The following TRANK1 variants were observed in gnomAD, a reference collection of about 807,000 sequenced individuals.
TRANK1 encodes TPR and ankyrin repeat-containing protein 1.
In TRANK1, 198 loss-of-function variants were observed where a neutral mutation model predicts 266.0. The observed-to-expected ratio is 0.74, with a 90% CI of 0.66 to 0.84. The LOEUF is 0.84. Ranked by LOEUF, TRANK1 falls within the 40% of genes least tolerant of loss-of-function variation. The probability of loss-of-function intolerance (pLI) is 0.00; values close to 1 mark genes in which losing one functional copy is unlikely to be tolerated. For missense variants in TRANK1, 3,326 were observed against 3,634.6 expected (o/e 0.92, Z 2.18); for synonymous variants, 1,396 against 1,384.1 (o/e 1.01, Z -0.19).
intron 9 of TRANK1, among the ~76,000 whole-genome samples, chr3:36,865,824 G>A (rs1246343066): frequency 2.0e-5 from 3 of 152,082 alleles, no homozygotes; most frequent in Non-Finnish European, 2.9e-5. Context: ...AGCTACTCAG[G>A]AGGCTGAGGC....
intron 15 of TRANK1, among the ~76,000 whole-genome samples, chr3:36,847,803 T>C (rs1164859468): frequency 1.3e-5 from 2 of 152,232 alleles, no homozygotes; most frequent in Admixed American, 6.5e-5. Context: ...GTGTGCAAGG[T>C]AGACTCTGAG....
At chr3:36,885,905 T>C (rs1381323992) in intron 8 of TRANK1, among the ~76,000 whole-genome samples, 1 of 152,144 alleles carries the variant, frequency 6.6e-6, no homozygotes, top group Non-Finnish European at 1.5e-5. Context: ...AGAAAATCTC[T>C]GAACCATTTT....
At chr3:36,877,744 CAAAA>C (rs929314985) in intron 8 of TRANK1, among the ~76,000 whole-genome samples, 1 of 152,000 alleles carries the variant, frequency 6.6e-6, no homozygotes, top group South Asian at 2.1e-4. Flanking sequence ...GCAAGACTGA[CAAAA>C]AAAGTTTTAG....
chr3:36,868,464 T>A (rs1282927655), intron 9 of TRANK1, among the ~76,000 whole-genome samples: 2 of 152,172 alleles, frequency 1.3e-5, no homozygotes, highest in African/African-American at 4.8e-5. Context: ...AAAATAGAAA[T>A]AAATTATTTC....
intron 9 of TRANK1, among the ~76,000 whole-genome samples, chr3:36,871,774 T>C (rs1185569700): frequency 1.3e-5 from 2 of 152,076 alleles, no homozygotes; most frequent in Non-Finnish European, 2.9e-5. Context: ...AATTAAAACA[T>C]AAATGGGGAA....
At chr3:36,835,176 G>A (rs1301250922) in intron 20 of TRANK1, among the ~76,000 whole-genome samples, 5 of 151,338 alleles carry the variant, frequency 3.3e-5, no homozygotes, top group East Asian at 1.9e-4. Flanking sequence ...AAAATTAGCC[G>A]GGCGTAGTGG....
At chr3:36,880,113 T>TGC (rs1559450040) in intron 8 of TRANK1, 1 of 145,364 alleles carries the variant, frequency 6.9e-6, no homozygotes, top group East Asian at 2.3e-4. Flanking sequence ...TAAACATATA[T>TGC]AAATATATAT....
At chr3:36,932,080 A>G (rs1559480415) in intron 1 of TRANK1, among the ~76,000 whole-genome samples, 1 of 152,238 alleles carries the variant, frequency 6.6e-6, no homozygotes, top group Non-Finnish European at 1.5e-5. Flanking sequence ...GTTTTATGTA[A>G]TCTTCACATT....
At chr3:36,842,569 G>T in intron 18 of TRANK1, 53 bp downstream of exon 18, 1 of 1,502,584 alleles carries the variant, frequency 6.7e-7, no homozygotes, top group Non-Finnish European at 9.2e-7. Flanking sequence ...ACCTGCCTGT[G>T]AGGTCTGACG....
At chr3:36,847,084 C>T (rs12497299) in intron 16 of TRANK1, 116 bp downstream of exon 16, 332,520 of 1,254,020 alleles carry the variant, frequency 0.27, 47,624 homozygotes, top group East Asian at 0.55. Context: ...CTCAATTCCC[C>T]GTTGCTGAGG....
intron 17 of TRANK1, among the ~76,000 whole-genome samples, chr3:36,843,070 C>T (rs1389570876): frequency 2.0e-5 from 3 of 152,188 alleles, no homozygotes; most frequent in East Asian, 3.9e-4. Context: ...CCTGCCAACA[C>T]CTTGATCTTG....
Position 36,831,451 on chromosome 3 carries a change from G to A in TRANK1, c.8132C>T (p.Ser2711Phe). 1 of 1,613,076 alleles carries A rather than the reference G, an allele frequency of 6.2e-7. No individual in the cohort carries two copies. The highest frequency in any genetic ancestry group is 8.5e-7 in the Non-Finnish European group (1 of 1,179,548). Reference sequence around the variant, plus strand: ...TATGGAGGCCTTCCGTTGCTTTTGGGAAAGAATGGTGGCCAGGACGTGGTC... The same window carrying A: ...TATGGAGGCCTTCCGTTGCTTTTGGAAAAGAATGGTGGCCAGGACGTGGTC... ...DRDHVLATIL[S>F]QKQRKASIQR... is the part of the protein sequence containing the mutation. The change falls in exon 22 of 24, where the codon TCC becomes TTC. Residue 2711 changes from serine to phenylalanine, a missense_variant. Physicochemically the swap from Ser to Phe is radical, Grantham distance 155 (BLOSUM62 -2). Coordinates refer to ENST00000645898, the MANE Select transcript of TRANK1 (RefSeq NM_001329998.2). The surrounding 1 kb of genome is among the most constrained non-coding windows in gnomAD (Gnocchi z 5.0).
In TRANK1 at chr3:36,838,402, G is replaced by C. The variant is rs1415238713; in HGVS notation, c.5487C>G (p.Leu1829=). The change falls in exon 20 of 24, where the codon CTC becomes CTG. Residue 1829 remains leucine (L), a synonymous_variant. Coordinates refer to ENST00000645898, the MANE Select transcript of TRANK1 (RefSeq NM_001329998.2). ...CCAGCCTCTCGCACAGCTGGGCAGA[G>C]AGCTGGAACTCCTTGGCATAGCTCA... The part of the protein sequence containing the change: ...KCLSYAKEFQ[L]SAQLCERLGK... 1.2e-6 allele frequency: 2 copies of C among 1,613,926 alleles called. No homozygotes were observed. Among genetic ancestry groups the C allele is most frequent in the African/African-American group, 2.7e-5 (2 of 74,942 alleles).
Position 36,892,217 on chromosome 3 carries a change from G to A in TRANK1, c.760C>T (p.Leu254Phe), listed in dbSNP as rs372651297. 1.0e-5 allele frequency: 16 copies of A among 1,536,954 alleles called. No homozygotes were observed. The highest frequency in any genetic ancestry group is 1.4e-5 in the Non-Finnish European group (16 of 1,146,826). Residue 254 changes from leucine (L) to phenylalanine (F), a missense_variant, in exon 7 of 24, where the codon CTC (leucine) becomes TTC (phenylalanine). By Grantham distance (22) the Leu-to-Phe change is conservative. Coordinates refer to ENST00000645898, the MANE Select transcript of TRANK1 (RefSeq NM_001329998.2). Reference sequence around the variant, plus strand: ...GAAGACTCACTGGCTTGGATACAGAGTCGCATGAGGGCATGAAGGGGATAC... The same window carrying A: ...GAAGACTCACTGGCTTGGATACAGAATCGCATGAGGGCATGAAGGGGATAC... ...GPYPLHALMR[L>F]CIQARENHLF... is the part of the protein sequence containing the mutation.
At chr3:36,892,445 C>T in intron 6 of TRANK1, 105 bp from the exon 7 acceptor site, 3 of 1,362,326 alleles carry the variant, frequency 2.2e-6, no homozygotes, top group African/African-American at 1.5e-5. Context: ...CTTGGATTAG[C>T]TGTGGTCCAA....
At chr3:36,944,102 C>T (rs1382399215) in intron 1 of TRANK1, among the ~76,000 whole-genome samples, 1 of 152,138 alleles carries the variant, frequency 6.6e-6, no homozygotes, top group Non-Finnish European at 1.5e-5. Context: ...TCCCAGGCAA[C>T]AGACTCCGAG....
intron 8 of TRANK1, among the ~76,000 whole-genome samples, chr3:36,885,808 G>T (rs2079594446): frequency 6.6e-6 from 1 of 151,992 alleles, no homozygotes; most frequent in South Asian, 2.1e-4. Context: ...CCATAGTGCT[G>T]GGATTACAGG....
At chr3:36,892,074 C>A in intron 7 of TRANK1, 128 bp downstream of exon 7, 1 of 1,155,638 alleles carries the variant, frequency 8.7e-7, no homozygotes, top group Non-Finnish European at 1.2e-6. Context: ...TTTGAATAAT[C>A]AGATCATTTG....
Position 36,856,455 on chromosome 3 carries a change from T to C in TRANK1, c.3267A>G (p.Arg1089=), listed in dbSNP as rs761177835. 1 of 1,613,976 alleles carries C rather than the reference T, an allele frequency of 6.2e-7. No individual in the cohort carries two copies. The highest frequency in any genetic ancestry group is 1.1e-5 in the South Asian group (1 of 91,076). ...AGTAAACGTGGAATTTCTTCCACAA[T>C]CTGTACAAGCAGCAGGTTGTCTTCC... ...GTGKTTCCLY[R]LWKKFHVYWE... The change falls in exon 13 of 24, where the codon AGA becomes AGG. Residue 1089 remains arginine, a synonymous_variant. Coordinates refer to ENST00000645898, the MANE Select transcript of TRANK1 (RefSeq NM_001329998.2).
Sources: allele counts gnomAD v4.1 joint callset (sites outside exome capture counted in the v4.1 genomes callset), GRCh38; gene constraint gnomAD v4.1.1; non-coding constraint Gnocchi (gnomAD v3.1); transcripts MANE v1.5; gene names NCBI Gene and HGNC (gene_info 2026-07-23, HGNC 2026-07-21).